The following NFE2L1 variants were observed in gnomAD, a reference collection of about 807,000 sequenced individuals.
NFE2L1 encodes the protein endoplasmic reticulum membrane sensor NFE2L1.
A neutral mutation model predicts 61.6 loss-of-function variants in NFE2L1; 18 were observed. The observed-to-expected ratio is 0.29, with a 90% CI of 0.20 to 0.43. The LOEUF is 0.43. NFE2L1 is among the 20% of genes least tolerant of loss of function. The pLI is 1.00. For synonymous variants in NFE2L1, 419 were observed against 402.7 expected, an observed-to-expected ratio of 1.04 and a Z score of -0.48; for missense variants, 827 against 973.5, an observed-to-expected ratio of 0.85 and a Z score of 2.00.
At position 48,051,342 on chromosome 17, in the gene NFE2L1, A is replaced by T. The variant is rs756730543; in HGVS notation, c.224A>T (p.Asp75Val). 2 of 1,614,118 alleles carry T rather than the reference A, an allele frequency of 1.2e-6. No individual in the cohort carries two copies. The highest frequency in any genetic ancestry group is 3.3e-5 in the Admixed American group (2 of 60,016). ...YGIHPKSIDLDNYFTARRLLS... is the reference protein window; with the variant it reads ...YGIHPKSIDLVNYFTARRLLS... Reference sequence around the variant, plus strand: ...ATCCACCCCAAGAGCATAGACCTGGACAATTACTTCACTGCCCGGCGGCTC... The same window carrying T: ...ATCCACCCCAAGAGCATAGACCTGGTCAATTACTTCACTGCCCGGCGGCTC... The change falls in exon 2 of 6, where the codon GAC (aspartate) becomes GTC (valine). Residue 75 changes from aspartate to valine, a missense_variant. This residue lies in a region of NFE2L1 where 667 missense variants were observed against 748.4 expected (regional missense o/e 0.89). Transcript: ENST00000362042.
chr17:48,055,282 G>C (rs1484145706), intron 2 of NFE2L1: 1 of 1,085,444 alleles, frequency 9.2e-7, no homozygotes, highest in African/African-American at 1.6e-5. Context: ...TCTGGAAAGT[G>C]TATGTCTGCA....
intron 2 of NFE2L1, chr17:48,054,497 A>T: frequency 1.3e-6 from 1 of 781,606 alleles, no homozygotes; most frequent in Non-Finnish European, 1.7e-6. Flanking sequence ...CTCTCGGCGC[A>T]GCCTAGGTAA....
Position 48,059,066 on chromosome 17 carries a change from A to G in NFE2L1, c.1744A>G (p.Ser582Gly), listed in dbSNP as rs201821005. ...GHNHTYNMAPSALDSADLPPP... is the reference protein window; with the variant it reads ...GHNHTYNMAPGALDSADLPPP... ...CAACCACACATACAACATGGCACCCAGTGCCCTGGACTCAGCCGACCTGCC... is the reference window on the plus strand; with the variant it reads ...CAACCACACATACAACATGGCACCCGGTGCCCTGGACTCAGCCGACCTGCC... The change falls in exon 6 of 6, where the codon AGT becomes GGT. Residue 582 changes from serine to glycine, a missense_variant. Ser to Gly is a moderately conservative substitution (Grantham distance 56). Around this residue, in one of 3 missense-constraint regions of NFE2L1, gnomAD observed 667 missense variants for 748.4 expected, o/e 0.89. Transcript: ENST00000362042. The surrounding 1 kb of genome is among the most constrained non-coding windows in gnomAD (Gnocchi z 6.1). 1.6e-5 allele frequency: 26 copies of G among 1,614,128 alleles called. No homozygotes were observed. The African/African-American group carries it at 2.9e-4, about 18-fold the overall frequency.
At chr17:48,058,163 CTG>C (rs2037449287) in intron 5 of NFE2L1, 130 bp from the exon 6 acceptor site, 2 of 1,306,962 alleles carry the variant, frequency 1.5e-6, no homozygotes, top group Non-Finnish European at 2.0e-6. Context: ...GGAGCTGACA[CTG>C]TGGGCTTTGG....
intron 2 of NFE2L1, chr17:48,054,721 G>A (rs929382276): frequency 4.6e-6 from 6 of 1,292,772 alleles, no homozygotes; most frequent in African/African-American, 1.5e-5. Context: ...GCTTGAGCAC[G>A]GAGCATGGGG....
rs1163144356 is a variant in NFE2L1, at chr17:48,061,276, T to C, written c.*1635T>C. 6.6e-6 allele frequency: 1 copy of C among 151,850 alleles called. No homozygotes were observed. Among genetic ancestry groups the C allele is most frequent in the Non-Finnish European group, 1.5e-5 (1 of 67,964 alleles). 9.4% of individuals were successfully genotyped at this position (151,850 alleles called of 1,614,324 possible). A position where few individuals can be genotyped will look rare whatever the true frequency, so the allele number is the denominator to read the frequency against. ...CTGCCCCAGACAAGTGGGAGTGAAA[T>C]GGGGGTGGGGGGAAGCACTGATTCC... On this transcript the variant is annotated 3_prime_UTR_variant, in exon 6 of 6. Transcript: ENST00000362042.
chr17:48,056,978 G>T, intron 3 of NFE2L1, 54 bp from the exon 4 acceptor site: 1 of 1,576,514 alleles, frequency 6.3e-7, no homozygotes. Context: ...AGAAGCTTCA[G>T]CCCCAGGCAG....
rs2037502992 is a variant in NFE2L1 at position 48,059,785 on chromosome 17, G to T, written c.*144G>T. The T allele has an allele frequency of 3.9e-6, 5 of 1,277,558 alleles. No homozygotes were observed. Among genetic ancestry groups the T allele is most frequent in the Non-Finnish European group, 5.2e-6 (5 of 959,590 alleles). 79.1% of individuals were successfully genotyped at this position (1,277,558 alleles called of 1,614,324 possible). A position where few individuals can be genotyped will look rare whatever the true frequency, so the allele number is the denominator to read the frequency against. On this transcript the variant is annotated 3_prime_UTR_variant, in exon 6 of 6. Transcript: ENST00000362042. This position sits in a 1 kb window ranked among gnomAD's most constrained non-coding sequence, Gnocchi z 6.1. ...TCAGATGGGATGACTGCGGGTCAGT[G>T]TACAGGAAGAGGCAGGCACTGGCTG...
At position 48,056,602 on chromosome 17, in the gene NFE2L1, CCA is replaced by C; in HGVS notation, c.723+5_723+6del. On this transcript the variant is annotated splice_donor_5th_base_variant and intron_variant, in intron 3 of 5. Coordinates refer to ENST00000362042, the MANE Select transcript of NFE2L1 (RefSeq NM_003204.3). ...TGGGGAGAGCTTCCCTGCACAGGTA[CCA>C]TCGCCCCTGCTCACTGGGCTCTCTT... 1.2e-6 allele frequency: 2 copies of C among 1,612,336 alleles called. No individual in the cohort carries two copies.
Position 48,058,820 on chromosome 17 carries a change from T to C in NFE2L1, c.1498T>C (p.Ser500Pro). ...CAGCTCTGAAGGCAGTTCTTCCTCT[T>C]CTTCCTCCTCCTCTTCCTCTTCTTC... ...LSSSEGSSSSSSSSSSSSSSA... is the reference protein window; with the variant it reads ...LSSSEGSSSSPSSSSSSSSSA... Residue 500 changes from serine (S) to proline (P), a missense_variant, in exon 6 of 6, where the codon TCT becomes CCT. Ser to Pro is a moderately conservative substitution (Grantham distance 74, BLOSUM62 -1). Around this residue, in one of 3 missense-constraint regions of NFE2L1, gnomAD observed 667 missense variants for 748.4 expected, o/e 0.89. Transcript: ENST00000362042. 1 of 1,614,064 alleles carries C rather than the reference T, an allele frequency of 6.2e-7. No individual in the cohort carries two copies. The highest frequency in any genetic ancestry group is 1.3e-5 in the African/African-American group (1 of 75,038).
chr17:48,057,406 T>A lies in NFE2L1; in HGVS notation c.876T>A (p.Leu292=). 2 of 1,614,194 alleles carry A rather than the reference T, an allele frequency of 1.2e-6. No homozygotes were observed. The highest frequency in any genetic ancestry group is 1.7e-6 in the Non-Finnish European group (2 of 1,180,032). ...CTAGTGAGAGTGAGCCCCCTGCTCT[T>A]CAAAACAACCTCTTGTCTCCTCTTC... ...AVPSESEPPA[L]QNNLLSPLLT... The change falls in exon 5 of 6, where the codon CTT becomes CTA. Residue 292 remains leucine, a synonymous_variant. Transcript: ENST00000362042.
chr17:48,058,666 T>C lies in NFE2L1; in HGVS notation c.1344T>C (p.Asp448=), dbSNP rs767819972. 5 of 1,613,774 alleles carry C rather than the reference T, an allele frequency of 3.1e-6. No individual in the cohort carries two copies. Among genetic ancestry groups the C allele is most frequent in the African/African-American group, 1.3e-5 (1 of 74,910 alleles). The change falls in exon 6 of 6, where the codon GAT becomes GAC. Residue 448 remains aspartate (D), a synonymous_variant. Transcript: ENST00000362042. ...GTCTGTTAGATGAAGCTATGTTGGATGAGATCAGCCTTATGGACCTGGCCA... is the reference window on the plus strand; with the variant it reads ...GTCTGTTAGATGAAGCTATGTTGGACGAGATCAGCCTTATGGACCTGGCCA... ...LGGLLDEAML[D]EISLMDLAIE...
In NFE2L1 at chr17:48,051,488, C is replaced by T; in HGVS notation, c.370C>T (p.Leu124Phe). ...SGSQPNSGLA[L>F]ESSSGLQDVT... is the part of the protein sequence containing the mutation. ...CAGTCAGCCCAACTCAGGCCTCGCC[C>T]TCGAGAGTTCCAGTGGCCTCCAAGA... The change falls in exon 2 of 6, where the codon CTC becomes TTC. Residue 124 changes from leucine to phenylalanine, a missense_variant. Leu to Phe is a conservative substitution (Grantham distance 22). Around this residue, in one of 3 missense-constraint regions of NFE2L1, gnomAD observed 667 missense variants for 748.4 expected, o/e 0.89. Transcript: ENST00000362042. 4 of 1,614,146 alleles carry T rather than the reference C, an allele frequency of 2.5e-6. No individual in the cohort carries two copies.
chr17:48,051,747 G>A (rs2037257899), intron 2 of NFE2L1, 119 bp downstream of exon 2: 4 of 1,289,390 alleles, frequency 3.1e-6, no homozygotes, highest in Non-Finnish European at 4.2e-6. Flanking sequence ...CAGGGCCTCA[G>A]GCACTGTTCT....
rs747874150 is a variant in NFE2L1, at chr17:48,056,372, G to C, written c.511-14G>C. On this transcript the variant is annotated splice_polypyrimidine_tract_variant and intron_variant, in intron 2 of 5. Transcript: ENST00000362042. ...TGGGATCTTAGAGCTAAAGTCATGT[G>C]ATCTGTCTTTCAGGACATAGATCTG... 6.2e-6 allele frequency: 10 copies of C among 1,613,782 alleles called. No homozygotes were observed. In the South Asian group the frequency reaches 1.1e-4, roughly 18 times the overall value.
chr17:48,058,172 T>G, intron 5 of NFE2L1, 123 bp from the exon 6 acceptor site: 2 of 1,360,924 alleles, frequency 1.5e-6, no homozygotes, highest in Non-Finnish European at 2.0e-6. Context: ...ACTGTGGGCT[T>G]TGGTTTATAG....
chr17:48,057,557 G>C (rs1347221794), intron 5 of NFE2L1, 55 bp downstream of exon 5: 1 of 1,555,956 alleles, frequency 6.4e-7, no homozygotes, highest in Non-Finnish European at 8.7e-7. Flanking sequence ...GATTGTCTTA[G>C]CACTCAGTTG....
chr17:48,056,176 C>CTTTTTTTTTT, intron 2 of NFE2L1: 2 of 620,404 alleles, frequency 3.2e-6, no homozygotes, highest in Non-Finnish European at 5.7e-6. Context: ...GCTAGTGGCT[C>CTTTTTTTTTT]TTTTTTTTTG....
At chr17:48,055,045 C>T (rs1204331139) in intron 2 of NFE2L1, 2 of 1,516,032 alleles carry the variant, frequency 1.3e-6, no homozygotes, top group Non-Finnish European at 1.8e-6. Flanking sequence ...GCAGCTCTCA[C>T]AGTGGTGGGG....
Sources: gnomAD v4.1 joint callset for allele counts on GRCh38, gnomAD v4.1.1 for gene constraint, gnomAD v4.1.1 regional missense constraint, Gnocchi (gnomAD v3.1) non-coding constraint, MANE v1.5 for transcripts, NCBI Gene and HGNC (gene_info 2026-07-23, HGNC 2026-07-21) for gene names.